Variants in SIX4 observed in about 807,000 individuals in gnomAD.
SIX4 encodes SIX homeobox 4, also known as homeobox protein SIX4.
SIX4 carries 23 observed loss-of-function variants against 51.5 expected under a neutral mutation model. The observed-to-expected ratio is 0.45, with a 90% CI of 0.32 to 0.63. The LOEUF is 0.63. Ranked by LOEUF, SIX4 falls within the 30% of genes least tolerant of loss-of-function variation. The pLI is 0.04. For synonymous variants in SIX4, 413 were observed against 417.3 expected (o/e 0.99, Z 0.13); for missense variants, 867 against 984.0 (o/e 0.88, Z 1.59).
At position 60,724,135 on chromosome 14, in the gene SIX4, TC is replaced by T. The variant is rs1896094907; in HGVS notation, c.-62del. 6.2e-7 allele frequency: 1 copy of T among 1,603,000 alleles called. No homozygotes were observed. The highest frequency in any genetic ancestry group is 2.2e-5 in the East Asian group (1 of 44,638). On this transcript the variant is annotated 5_prime_UTR_variant, in exon 1 of 3. Transcript: ENST00000216513. The stretch of plus-strand genomic sequence containing the variant: ...TCGCACTCTTTTCCTCTTTCTTTCC[TC>T]CTCTCTTACTCCTCCTCCTTCGTCT...
chr14:60,723,960 C>T lies in SIX4; in HGVS notation c.115G>A (p.Ala39Thr), dbSNP rs1473164781. ...GCCGGGGGGCTCAGCCCTACCGCCG[C>T]GCCCCCCGCCACTTCTCGGTGCGCC... The part of the protein sequence containing the change: ...QEAHREVAGG[A>T]AVGLSPPAPA... The change falls in exon 1 of 3, where the codon GCG becomes ACG. Residue 39 changes from alanine to threonine, a missense_variant. By Grantham distance (58) the Ala-to-Thr change is moderately conservative. Coordinates refer to ENST00000216513, the MANE Select transcript of SIX4 (RefSeq NM_017420.5). 4 of 1,508,984 alleles carry T rather than the reference C, an allele frequency of 2.7e-6. No individual in the cohort carries two copies. Among genetic ancestry groups the T allele is most frequent in the Non-Finnish European group, 2.6e-6 (3 of 1,134,174 alleles). 93.5% of individuals were successfully genotyped at this position (1,508,984 alleles called of 1,614,324 possible). A position where few individuals can be genotyped will look rare whatever the true frequency, so the allele number is the denominator to read the frequency against.
rs1300734845 is a variant in SIX4 at position 60,711,489 on chromosome 14, A to C, written c.*1918T>G. 1 of 152,204 alleles carries C rather than the reference A, an allele frequency of 6.6e-6. No homozygotes were observed. The highest frequency in any genetic ancestry group is 1.5e-5 in the Non-Finnish European group (1 of 68,064). 9.4% of individuals were successfully genotyped at this position (152,204 alleles called of 1,614,324 possible). On this transcript the variant is annotated 3_prime_UTR_variant, in exon 3 of 3. Coordinates refer to ENST00000216513, the MANE Select transcript of SIX4 (RefSeq NM_017420.5). ...TGGGCCCTTTGTTCTGATCATAAAA[A>C]AAAAAGCAAGATGTGGCCAGGCACA...
rs1202874522 is a variant in SIX4 at position 60,719,807 on chromosome 14, C to G, written c.1502G>C (p.Gly501Ala). The G allele has an allele frequency of 3.1e-6, 5 of 1,614,052 alleles. No homozygotes were observed. In the African/African-American group the frequency reaches 4.0e-5, roughly 13 times the overall value. The change falls in exon 2 of 3, where the codon GGA (glycine) becomes GCA (alanine). Residue 501 changes from glycine (G) to alanine (A), a missense_variant. By Grantham distance (60) the Gly-to-Ala change is moderately conservative. Transcript: ENST00000216513. The surrounding 1 kb of genome is among the most constrained non-coding windows in gnomAD (Gnocchi z 4.9). The part of the protein sequence containing the change: ...ANSQFLNGSI[G>A]FSPLQLPPVS... ...AGGGGGCAGCTGCAGTGGAGAGAATCCAATGCTCCCATTAAGGAACTGGCT... is the reference window on the plus strand; with the variant it reads ...AGGGGGCAGCTGCAGTGGAGAGAATGCAATGCTCCCATTAAGGAACTGGCT...
Position 60,713,278 on chromosome 14 carries a change from A to G in SIX4, c.*129T>C. The stretch of plus-strand genomic sequence containing the variant: ...TGTGATCTTCATGCAGATCAATCTA[A>G]AGTCTCTTGTATGCATATACTTGCA... On this transcript the variant is annotated 3_prime_UTR_variant, in exon 3 of 3. Transcript: ENST00000216513. 1.1e-6 allele frequency: 1 copy of G among 881,864 alleles called. No individual in the cohort carries two copies. 54.6% of individuals were successfully genotyped at this position (881,864 alleles called of 1,614,324 possible). A position where few individuals can be genotyped will look rare whatever the true frequency, so the allele number is the denominator to read the frequency against.
intron 2 of SIX4, among the ~76,000 whole-genome samples, chr14:60,718,436 C>T (rs1423240709): frequency 1.3e-5 from 2 of 152,156 alleles, no homozygotes; most frequent in African/African-American, 4.8e-5. Flanking sequence ...AAAAGTATTT[C>T]TACTTTTCTC....
intron 1 of SIX4, chr14:60,721,202 T>G: frequency 1.0e-6 from 1 of 956,622 alleles, no homozygotes; most frequent in Non-Finnish European, 1.2e-6. Context: ...TTAGACCTCT[T>G]CCCCAACGTC....
At position 60,711,991 on chromosome 14, in the gene SIX4, A is replaced by T. The variant is rs1333446300; in HGVS notation, c.*1416T>A. 1 of 152,598 alleles carries T rather than the reference A, an allele frequency of 6.6e-6. No homozygotes were observed. The highest frequency in any genetic ancestry group is 2.4e-5 in the African/African-American group (1 of 41,456). 9.5% of individuals were successfully genotyped at this position (152,598 alleles called of 1,614,324 possible). A position where few individuals can be genotyped will look rare whatever the true frequency, so the allele number is the denominator to read the frequency against. On this transcript the variant is annotated 3_prime_UTR_variant, in exon 3 of 3. Coordinates refer to ENST00000216513, the MANE Select transcript of SIX4 (RefSeq NM_017420.5). ...ATAGCCACGGCTTACAACATTATTA[A>T]ACAAGCTTCTTACAGAAACCAAAAA... is the stretch of plus-strand genomic sequence containing the variant.
intron 2 of SIX4, among the ~76,000 whole-genome samples, chr14:60,718,228 A>G (rs116496073): frequency 0.03 from 4,636 of 152,176 alleles, 189 homozygotes; most frequent in African/African-American, 0.098. Flanking sequence ...CTACCATAGA[A>G]ATGTTGCTTA....
At chr14:60,715,166 T>C (rs556630595) in intron 2 of SIX4, among the ~76,000 whole-genome samples, 29 of 152,294 alleles carry the variant, frequency 1.9e-4, no homozygotes, top group Admixed American at 1.5e-3. Context: ...AAGTTCTGAT[T>C]CAGTCAAGTT....
In SIX4 at chr14:60,720,312, T is replaced by A; in HGVS notation, c.997A>T (p.Met333Leu). ...SLSSHMEPVY[M>L]QQIGNAKISL... ...ATCTTAGCATTTCCAATTTGTTGCA[T>A]ATATACTGGCTCCATATGACTGGAA... The change falls in exon 2 of 3, where the codon ATG becomes TTG. Residue 333 changes from methionine (M) to leucine (L), a missense_variant. Physicochemically the swap from Met to Leu is conservative, Grantham distance 15. Coordinates refer to ENST00000216513, the MANE Select transcript of SIX4 (RefSeq NM_017420.5). This position sits in a 1 kb window ranked among gnomAD's most constrained non-coding sequence, Gnocchi z 5.5. 6.2e-7 allele frequency: 1 copy of A among 1,614,230 alleles called. No individual in the cohort carries two copies. The highest frequency in any genetic ancestry group is 8.5e-7 in the Non-Finnish European group (1 of 1,180,050).
chr14:60,720,475 GA>G lies in SIX4; in HGVS notation c.864-31del. 6.3e-7 allele frequency: 1 copy of G among 1,588,370 alleles called. No homozygotes were observed. Among genetic ancestry groups the G allele is most frequent in the Non-Finnish European group, 8.6e-7 (1 of 1,167,238 alleles). Reference sequence around the variant, plus strand: ...ATGGAGGGGGAAATCAAAATGTTCAGAAGGTCAGGGGGATGACATTCTACAC... The same window carrying G: ...ATGGAGGGGGAAATCAAAATGTTCAGAGGTCAGGGGGATGACATTCTACAC... On this transcript the variant is annotated intron_variant, in intron 1 of 2. Coordinates refer to ENST00000216513, the MANE Select transcript of SIX4 (RefSeq NM_017420.5). This position sits in a 1 kb window ranked among gnomAD's most constrained non-coding sequence, Gnocchi z 5.5.
chr14:60,723,691 G>A lies in SIX4; in HGVS notation c.384C>T (p.Arg128=). The change falls in exon 1 of 3, where the codon CGC becomes CGT. Residue 128 remains arginine, a synonymous_variant. Coordinates refer to ENST00000216513, the MANE Select transcript of SIX4 (RefSeq NM_017420.5). ...GCAGGGACCACAGGAACCGGGCCAG[G>A]CGGTCCAGGTTGCCCCCCTGCTGCA... The part of the protein sequence containing the change: ...EALQQGGNLD[R]LARFLWSLPQ... 2.6e-6 allele frequency: 4 copies of A among 1,567,382 alleles called. No homozygotes were observed. In the South Asian group the frequency reaches 3.5e-5, roughly 14 times the overall value.
At chr14:60,721,677 G>A (rs1451045288) in intron 1 of SIX4, among the ~76,000 whole-genome samples, 1 of 152,150 alleles carries the variant, frequency 6.6e-6, no homozygotes, top group Non-Finnish European at 1.5e-5. Context: ...GAGCGTGGGG[G>A]AGTCCCAGGG....
Position 60,723,619 on chromosome 14 carries a change from C to T in SIX4, c.456G>A (p.Arg152=), listed in dbSNP as rs778059287. The change falls in exon 1 of 3, where the codon CGG becomes CGA. Residue 152 remains arginine (R), a synonymous_variant. Coordinates refer to ENST00000216513, the MANE Select transcript of SIX4 (RefSeq NM_017420.5). Reference sequence around the variant, plus strand: ...TGCCCTGGTGGAAGGCCACGAGCGCCCGCGCCTTCAGCAGGCTCTCGTTGC... The same window carrying T: ...TGCCCTGGTGGAAGGCCACGAGCGCTCGCGCCTTCAGCAGGCTCTCGTTGC... The part of the protein sequence containing the change: ...LRGNESLLKA[R]ALVAFHQGIY... The T allele has an allele frequency of 2.1e-4, 343 of 1,608,074 alleles. No homozygotes were observed. Among genetic ancestry groups the T allele is most frequent in the Non-Finnish European group, 2.8e-4 (335 of 1,177,896 alleles).
Position 60,723,630 on chromosome 14 carries a change from G to A in SIX4, c.445C>T (p.Leu149=), listed in dbSNP as rs1465105695. 3.1e-6 allele frequency: 5 copies of A among 1,604,916 alleles called. No individual in the cohort carries two copies. The highest frequency in any genetic ancestry group is 1.7e-5 in the Admixed American group (1 of 58,530). ...AAGGCCACGAGCGCCCGCGCCTTCA[G>A]CAGGCTCTCGTTGCCACGTAGCAGG... The part of the protein sequence containing the change: ...SDLLRGNESL[L]KARALVAFHQ... Residue 149 remains leucine (L), a synonymous_variant, in exon 1 of 3, where the codon CTG becomes TTG. Transcript: ENST00000216513.
chr14:60,718,822 G>C (rs58160480), intron 2 of SIX4, among the ~76,000 whole-genome samples: 3 of 150,992 alleles, frequency 2.0e-5, no homozygotes, highest in South Asian at 2.1e-4. Context: ...TGATTTTTTT[G>C]GGGGGGTGGT....
rs769482939 is a variant in SIX4, at chr14:60,713,898, T to C, written c.1855A>G (p.Asn619Asp). ...AGTGTAGAGGGACTGAGAGAAAAAT[T>C]GTGAGTTGGAGATACATTAACTAAT... ...SSLVNVSPTH[N>D]FSLSPSTLLN... is the part of the protein sequence containing the mutation. Residue 619 changes from asparagine to aspartate, a missense_variant, in exon 3 of 3, where the codon AAT (asparagine) becomes GAT (aspartate). Asn to Asp is a conservative substitution (Grantham distance 23, BLOSUM62 1). Coordinates refer to ENST00000216513, the MANE Select transcript of SIX4 (RefSeq NM_017420.5). 6.2e-7 allele frequency: 1 copy of C among 1,614,088 alleles called. No homozygotes were observed. The highest frequency in any genetic ancestry group is 8.5e-7 in the Non-Finnish European group (1 of 1,180,006).
Position 60,710,314 on chromosome 14 carries a change from A to G in SIX4, c.*3093T>C, listed in dbSNP as rs1393415946. 2.0e-5 allele frequency: 3 copies of G among 152,670 alleles called. No individual in the cohort carries two copies. The East Asian group carries it at 5.8e-4, about 29-fold the overall frequency. 9.5% of individuals were successfully genotyped at this position (152,670 alleles called of 1,614,324 possible). A position where few individuals can be genotyped will look rare whatever the true frequency, so the allele number is the denominator to read the frequency against. On this transcript the variant is annotated 3_prime_UTR_variant, in exon 3 of 3. Coordinates refer to ENST00000216513, the MANE Select transcript of SIX4 (RefSeq NM_017420.5). ...ACACAAGAAAGGCACTGAAACGTGT[A>G]CAATTTAAAAAGTCTTTTCATTACT... is the stretch of plus-strand genomic sequence containing the variant.
In SIX4 at chr14:60,709,635, A is replaced by G. The variant is rs975014445; in HGVS notation, c.*3772T>C. 1 of 152,586 alleles carries G rather than the reference A, an allele frequency of 6.6e-6. No homozygotes were observed. Among genetic ancestry groups the G allele is most frequent in the African/African-American group, 2.4e-5 (1 of 41,422 alleles). The allele number at this position is 152,586 out of a possible 1,614,324, so 9.5% of individuals were successfully genotyped here. ...AAAACACTTAATTGTCCAGGCATAA[A>G]CCCCCATTACAGTACGACATACATA... On this transcript the variant is annotated 3_prime_UTR_variant, in exon 3 of 3. Coordinates refer to ENST00000216513, the MANE Select transcript of SIX4 (RefSeq NM_017420.5). The surrounding 1 kb of genome is among the most constrained non-coding windows in gnomAD (Gnocchi z 4.1).
Sources: allele counts gnomAD v4.1 joint callset (sites outside exome capture counted in the v4.1 genomes callset), GRCh38; gene constraint gnomAD v4.1.1; non-coding constraint Gnocchi (gnomAD v3.1); transcripts MANE v1.5; gene names NCBI Gene and HGNC (gene_info 2026-07-23, HGNC 2026-07-21).